The following GABRG3 variants were observed in gnomAD, a reference collection of about 807,000 sequenced individuals.
The protein encoded by GABRG3 is gamma-aminobutyric acid receptor subunit gamma-3.
A neutral mutation model predicts 48.8 loss-of-function variants in GABRG3; 25 were observed. That is an observed-to-expected ratio of 0.51 (90% CI 0.37 to 0.72). The LOEUF (loss-of-function observed/expected upper bound fraction) is 0.72. Ranked by LOEUF, GABRG3 falls within the 30% of genes least tolerant of loss-of-function variation. The probability of loss-of-function intolerance (pLI) is 0.00; values close to 1 mark genes in which losing one functional copy is unlikely to be tolerated. For synonymous variants in GABRG3, 227 were observed against 217.6 expected (o/e 1.04, Z -0.38); for missense variants, 394 against 577.9 (o/e 0.68, Z 3.26).
intron 3 of GABRG3, among the ~76,000 whole-genome samples, chr15:27,242,237 G>GCTGCA (rs1890148461): frequency 6.6e-6 from 1 of 152,212 alleles, no homozygotes; most frequent in Admixed American, 6.5e-5. Context: ...AAGCTGCAGA[G>GCTGCA]GTGGCTGGGA....
intron 6 of GABRG3, among the ~76,000 whole-genome samples, chr15:27,484,902 T>A (rs1890184171): frequency 6.6e-6 from 1 of 152,142 alleles, no homozygotes. Flanking sequence ...TTGATGCAAA[T>A]AAATGATTGA....
At chr15:27,382,237 A>G (rs556154578) in intron 5 of GABRG3, among the ~76,000 whole-genome samples, 1 of 152,326 alleles carries the variant, frequency 6.6e-6, no homozygotes, top group African/African-American at 2.4e-5. Flanking sequence ...ACTTCCTTGC[A>G]TGTTGATGCC....
chr15:27,331,781 C>T (rs73363196), intron 5 of GABRG3, among the ~76,000 whole-genome samples: 2,691 of 152,236 alleles, frequency 0.018, 87 homozygotes, highest in African/African-American at 0.06. Context: ...GGGATGTTGA[C>T]AGTTGGGGAA....
At chr15:27,346,639 C>T (rs1266709607) in intron 5 of GABRG3, among the ~76,000 whole-genome samples, 2 of 151,776 alleles carry the variant, frequency 1.3e-5, no homozygotes, top group Admixed American at 6.6e-5. Context: ...TTTTTTGATG[C>T]TTTTTTTCCT....
chr15:27,099,885 A>G (rs1037114259), intron 3 of GABRG3, among the ~76,000 whole-genome samples: 2 of 152,116 alleles, frequency 1.3e-5, no homozygotes, highest in African/African-American at 2.4e-5. Flanking sequence ...TGAGAATACT[A>G]TAATAGACTT....
chr15:27,100,522 T>TA (rs1370057634), intron 3 of GABRG3, among the ~76,000 whole-genome samples: 2 of 152,150 alleles, frequency 1.3e-5, no homozygotes, highest in African/African-American at 4.8e-5. Flanking sequence ...AAAGACAGCA[T>TA]AAAAAAGAAA....
chr15:27,306,736 CAT>C (rs1246214818), intron 3 of GABRG3, among the ~76,000 whole-genome samples: 70 of 115,354 alleles, frequency 6.1e-4, no homozygotes, highest in East Asian at 7.2e-4. Flanking sequence ...TATATATAAA[CAT>C]ATACAATATA....
intron 3 of GABRG3, among the ~76,000 whole-genome samples, chr15:27,139,310 C>T (rs1486887679): frequency 6.6e-6 from 1 of 152,080 alleles, no homozygotes; most frequent in Admixed American, 6.5e-5. Context: ...AGTCCACAGG[C>T]CAGAGAACCT....
At chr15:27,170,066 ACAGT>A (rs1470274669) in intron 3 of GABRG3, among the ~76,000 whole-genome samples, 1 of 152,162 alleles carries the variant, frequency 6.6e-6, no homozygotes, top group Non-Finnish European at 1.5e-5. Context: ...ATTACAAGAA[ACAGT>A]CAAACTTCTT....
chr15:27,470,770 A>AT lies in GABRG3; in HGVS notation c.575-9873dup, dbSNP rs548597610. ...TTTTTTGCCATGCTTTTTTTAAATCATTTTTTTAATGTAGACAATTTTGTA... is the reference window on the plus strand; with the variant it reads ...TTTTTTGCCATGCTTTTTTTAAATCATTTTTTTTAATGTAGACAATTTTGTA... On this transcript the variant is annotated intron_variant, in intron 5 of 9. Coordinates refer to ENST00000615808, the MANE Select transcript of GABRG3 (RefSeq NM_033223.5). Among the ~76,000 whole-genome samples, 1,174 of 151,724 alleles carry AT rather than the reference A, an allele frequency of 7.7e-3. 9 individuals carry two copies. The highest frequency in any genetic ancestry group is 0.011 in the Non-Finnish European group (772 of 67,906).
chr15:27,306,331 AAC>A (rs1892441124), intron 3 of GABRG3, among the ~76,000 whole-genome samples: 3 of 125,252 alleles, frequency 2.4e-5, no homozygotes, highest in African/African-American at 1.0e-4. Context: ...TCTATATATA[AAC>A]ATAAAATATA....
intron 5 of GABRG3, among the ~76,000 whole-genome samples, chr15:27,369,950 A>G (rs1026443671): frequency 1.3e-5 from 2 of 151,366 alleles, no homozygotes; most frequent in Non-Finnish European, 2.9e-5. Context: ...CCCCTTACTC[A>G]CCAGCTTCTT....
intron 3 of GABRG3, among the ~76,000 whole-genome samples, chr15:27,107,817 A>AT (rs1333464336): frequency 1.3e-5 from 2 of 151,746 alleles, no homozygotes; most frequent in African/African-American, 4.8e-5. Context: ...TAATTATTAA[A>AT]TTTGTTGATA....
chr15:27,527,721 G>C, intron 8 of GABRG3, 92 bp downstream of exon 8: 2 of 1,246,916 alleles, frequency 1.6e-6, no homozygotes, highest in Non-Finnish European at 2.3e-6. Context: ...CCTAAGGATC[G>C]TACAAAGCAT....
At position 27,108,413 on chromosome 15, in the gene GABRG3, G is replaced by C. The variant is rs899175779; in HGVS notation, c.270+81592G>C. Among the ~76,000 whole-genome samples the C allele has an allele frequency of 5.9e-5, 9 of 152,234 alleles. No individual in the cohort carries two copies. In the South Asian group the frequency reaches 8.3e-4, roughly 14 times the overall value. On this transcript the variant is annotated intron_variant, in intron 3 of 9. Coordinates refer to ENST00000615808, the MANE Select transcript of GABRG3 (RefSeq NM_033223.5). Reference sequence around the variant, plus strand: ...CCATCATGGACTGAGAATAGACTTTGTATGATTTCTGTTCTTGTAAGTGTG... The same window carrying C: ...CCATCATGGACTGAGAATAGACTTTCTATGATTTCTGTTCTTGTAAGTGTG...
chr15:27,353,607 C>T (rs1248936611), intron 5 of GABRG3, among the ~76,000 whole-genome samples: 2 of 151,944 alleles, frequency 1.3e-5, no homozygotes, highest in Admixed American at 1.3e-4. Flanking sequence ...CCACATCTGG[C>T]TAATTTTCAT....
chr15:27,405,234 C>A (rs1887595308), intron 5 of GABRG3, among the ~76,000 whole-genome samples: 1 of 152,060 alleles, frequency 6.6e-6, no homozygotes, highest in African/African-American at 2.4e-5. Flanking sequence ...TGATTAAGAA[C>A]ATAAATATGA....
intron 5 of GABRG3, among the ~76,000 whole-genome samples, chr15:27,459,381 G>A (rs991920953): frequency 4.6e-5 from 7 of 152,212 alleles, no homozygotes; most frequent in African/African-American, 1.7e-4. Context: ...TCATCTCTAG[G>A]GTATCATCAC....
intron 4 of GABRG3, among the ~76,000 whole-genome samples, chr15:27,327,530 C>T (rs1187007183): frequency 6.6e-6 from 1 of 152,168 alleles, no homozygotes; most frequent in Non-Finnish European, 1.5e-5. Flanking sequence ...GACTCGCCCA[C>T]AGTCACCACT....
Sources: gnomAD v4.1 joint callset for allele counts (sites outside exome capture counted in the v4.1 genomes callset) on GRCh38, gnomAD v4.1.1 for gene constraint, MANE v1.5 for transcripts, NCBI Gene and HGNC (gene_info 2026-07-23, HGNC 2026-07-21) for gene names.